The following CFAP47 variants were observed in gnomAD, a reference collection of about 807,000 sequenced individuals.
CFAP47 encodes the protein cilia and flagella associated protein 47, also known as cilia- and flagella-associated protein 47.
CFAP47 carries 29 observed loss-of-function variants against 148.1 expected under a neutral mutation model. The observed-to-expected ratio is 0.20, with a 90% CI of 0.15 to 0.27. The LOEUF is 0.27. CFAP47 is among the 10% of genes least tolerant of loss of function. The pLI, the probability that CFAP47 is intolerant of heterozygous loss-of-function variation, is 1.00. For synonymous variants in CFAP47, 664 were observed against 577.3 expected (o/e 1.15, Z -2.15); for missense variants, 1,872 against 1,697.5 (o/e 1.10, Z -1.81).
intron 46 of CFAP47, among the ~76,000 whole-genome samples, chrX:36,230,072 C>T (rs1453167014): frequency 1.8e-5 from 2 of 108,627 alleles, no homozygotes; most frequent in Non-Finnish European, 3.8e-5. Flanking sequence ...AATAAACATA[C>T]GTGTGCATGT....
intron 57 of CFAP47, among the ~76,000 whole-genome samples, chrX:36,327,698 C>A (rs1332854271): frequency 9.0e-6 from 1 of 111,366 alleles, no homozygotes; most frequent in Non-Finnish European, 1.9e-5. Flanking sequence ...TTCACAATAG[C>A]AAAGATATGC....
In CFAP47 at chrX:35,993,268, C is replaced by T. The variant is rs1253064772; in HGVS notation, c.3046C>T (p.Leu1016Phe). 1.0e-5 allele frequency: 3 copies of T among 294,538 alleles called. No individual in the cohort carries two copies. Among genetic ancestry groups the T allele is most frequent in the Admixed American group, 6.2e-5 (1 of 16,060 alleles). The allele number at this position is 294,538 out of a possible 1,213,427, so 24.3% of individuals were successfully genotyped here. Reference protein sequence around the residue: ...GIVPFGGITVLNISCKPTVAE... With the variant: ...GIVPFGGITVFNISCKPTVAE... ...AGTTCCATTTGGGGGAATAACTGTTCTCAATATCTCCTGTAAACCCACTGT... is the reference window on the plus strand; with the variant it reads ...AGTTCCATTTGGGGGAATAACTGTTTTCAATATCTCCTGTAAACCCACTGT... Residue 1016 changes from leucine (L) to phenylalanine (F), a missense_variant, in exon 18 of 64, where the codon CTC (leucine) becomes TTC (phenylalanine). By Grantham distance (22) the Leu-to-Phe change is conservative. Coordinates refer to ENST00000378653, the MANE Select transcript of CFAP47 (RefSeq NM_001304548.2).
chrX:36,191,631 C>A (rs781934802), intron 42 of CFAP47, among the ~76,000 whole-genome samples: 12 of 111,299 alleles, frequency 1.1e-4, no homozygotes, highest in African/African-American at 2.9e-4. Flanking sequence ...ATCAAACATG[C>A]AAGCTCACCT....
chrX:36,259,697 A>ATT (rs1220154862), intron 49 of CFAP47, among the ~76,000 whole-genome samples: 3 of 107,443 alleles, frequency 2.8e-5, no homozygotes, highest in Non-Finnish European at 5.8e-5. Flanking sequence ...CTCTTTATTA[A>ATT]TTTTTTTTTT....
At chrX:36,076,119 T>G (rs1293908150) in intron 29 of CFAP47, among the ~76,000 whole-genome samples, 1 of 111,426 alleles carries the variant, frequency 9.0e-6, no homozygotes, top group Non-Finnish European at 1.9e-5. Context: ...CTTTCCACAG[T>G]AGCTGATCTT....
At chrX:35,946,098 C>G (rs1311740543) in intron 3 of CFAP47, among the ~76,000 whole-genome samples, 1 of 110,088 alleles carries the variant, frequency 9.1e-6, no homozygotes, top group Admixed American at 9.8e-5. Context: ...GTCTCGAACT[C>G]CTGACCTCAA....
rs1238564906 is a variant in CFAP47, at chrX:36,143,294, A to G, written c.5536-1925A>G. Among the ~76,000 whole-genome samples the G allele has an allele frequency of 6.3e-5, 7 of 111,961 alleles. No individual in the cohort carries two copies. In the Admixed American group the frequency reaches 6.6e-4, roughly 11 times the overall value. Reference sequence around the variant, plus strand: ...AACAAACTCTTCTATTTTCCCGAGAAGAATAAGAGAGCATGAGGAAATGTG... The same window carrying G: ...AACAAACTCTTCTATTTTCCCGAGAGGAATAAGAGAGCATGAGGAAATGTG... On this transcript the variant is annotated intron_variant, in intron 35 of 63. Transcript: ENST00000378653.
chrX:36,143,628 G>T (rs974160918), intron 35 of CFAP47, among the ~76,000 whole-genome samples: 1 of 111,395 alleles, frequency 9.0e-6, no homozygotes, highest in Non-Finnish European at 1.9e-5. Flanking sequence ...ATACTTTTGT[G>T]CTGTGAATAA....
chrX:36,072,766 A>G (rs1354500025), intron 28 of CFAP47, among the ~76,000 whole-genome samples: 3 of 111,890 alleles, frequency 2.7e-5, no homozygotes, highest in African/African-American at 9.7e-5. Context: ...TTGTCTTTGT[A>G]TAATTTTTTC....
chrX:36,335,418 C>T (rs1443597665), intron 57 of CFAP47, among the ~76,000 whole-genome samples: 4 of 111,414 alleles, frequency 3.6e-5, no homozygotes, highest in Admixed American at 9.6e-5. Context: ...AAATACCCCC[C>T]GCCTCAAAAA....
chrX:36,235,771 A>G (rs1555994390), intron 46 of CFAP47, among the ~76,000 whole-genome samples, 163 bp from the exon 47 acceptor site: 1 of 112,584 alleles, frequency 8.9e-6, no homozygotes, highest in African/African-American at 3.2e-5. Flanking sequence ...GCTCCAGCAC[A>G]TCGATATTTA....
Position 36,345,444 on chromosome X carries a change from C to T in CFAP47, c.8444-2685C>T, listed in dbSNP as rs782288392. Reference sequence around the variant, plus strand: ...CACATGTGCAGTTCACAACAGGTCTCGCTTATGAGAATCTAATGCAGCCAC... The same window carrying T: ...CACATGTGCAGTTCACAACAGGTCTTGCTTATGAGAATCTAATGCAGCCAC... On this transcript the variant is annotated intron_variant, in intron 57 of 63. Coordinates refer to ENST00000378653, the MANE Select transcript of CFAP47 (RefSeq NM_001304548.2). Among the ~76,000 whole-genome samples, 29 of 110,967 alleles carry T rather than the reference C, an allele frequency of 2.6e-4. No individual in the cohort carries two copies. The South Asian group carries it at 3.1e-3, about 12-fold the overall frequency.
At chrX:36,204,378 A>G (rs781844595) in intron 44 of CFAP47, among the ~76,000 whole-genome samples, 74 of 110,245 alleles carry the variant, frequency 6.7e-4, no homozygotes, top group Non-Finnish European at 1.4e-3. Flanking sequence ...GAATTGAACA[A>G]TGAGAACACA....
At chrX:35,934,173 G>A (rs1935874154) in intron 2 of CFAP47, among the ~76,000 whole-genome samples, 1 of 110,706 alleles carries the variant, frequency 9.0e-6, no homozygotes, top group Non-Finnish European at 1.9e-5. Context: ...GAGTTTTCTG[G>A]GTGGGTCCAG....
rs1026255627 is a variant in CFAP47, at chrX:36,369,738, A to G, written c.9185+2611A>G. 3.6e-5 allele frequency among the ~76,000 whole-genome samples: 4 copies of G among 111,713 alleles called. No individual in the cohort carries two copies. The East Asian group carries it at 1.1e-3, about 32-fold the overall frequency. On this transcript the variant is annotated intron_variant, in intron 62 of 63. Transcript: ENST00000378653. ...TTGTGATTGGTTTTCCATAGAGAGC[A>G]TATTCCGAGAGAAGCACGTAGAAGA...
chrX:36,384,709 A>C, intron 63 of CFAP47, 88 bp from the exon 64 acceptor site: 1 of 634,518 alleles, frequency 1.6e-6, no homozygotes. Flanking sequence ...CATGGAGAAC[A>C]GAAGATGTTA....
In CFAP47 at chrX:35,975,148, G is replaced by T; in HGVS notation, c.2256G>T (p.Gly752=). The change falls in exon 14 of 64, where the codon GGG becomes GGT. Residue 752 remains glycine (G), a splice_region_variant and synonymous_variant. Transcript: ENST00000378653. ...TPKQIHQVIV[G]PSVLNFGNIC... ...AAAATACTTTTCATTTTTTTTCAGG[G>T]CCTTCTGTCCTTAACTTTGGTAATA... 9.1e-7 allele frequency: 1 copy of T among 1,093,537 alleles called. No homozygotes were observed. The highest frequency in any genetic ancestry group is 1.2e-6 in the Non-Finnish European group (1 of 821,997). 90.1% of individuals were successfully genotyped at this position (1,093,537 alleles called of 1,213,427 possible).
chrX:36,020,384 CT>C (rs1239533637), intron 22 of CFAP47, among the ~76,000 whole-genome samples: 7 of 111,148 alleles, frequency 6.3e-5, no homozygotes, highest in Non-Finnish European at 1.3e-4. Context: ...TCAAATGCTT[CT>C]TTTTGGATTT....
chrX:36,118,199 G>A (rs749690864), intron 33 of CFAP47, among the ~76,000 whole-genome samples: 1 of 111,575 alleles, frequency 9.0e-6, no homozygotes, highest in South Asian at 3.7e-4. Context: ...TGTTCATTTT[G>A]TTTAGTATAA....
Sources: gnomAD v4.1 joint callset for allele counts (sites outside exome capture counted in the v4.1 genomes callset) on GRCh38, gnomAD v4.1.1 for gene constraint, MANE v1.5 for transcripts, NCBI Gene and HGNC (gene_info 2026-07-23, HGNC 2026-07-21) for gene names.